Variants in GRIN2B observed in about 807,000 individuals in gnomAD.
The protein encoded by GRIN2B is glutamate receptor ionotropic, NMDA 2B.
A neutral mutation model predicts 114.5 loss-of-function variants in GRIN2B; 5 were observed. The ratio of observed to expected loss-of-function variants is 0.04; its 90% CI spans 0.02 to 0.09. The LOEUF is 0.09. Among genes scored for constraint, GRIN2B ranks in the 10% least tolerant of loss-of-function variants. The probability of loss-of-function intolerance (pLI) is 1.00; values close to 1 mark genes in which losing one functional copy is unlikely to be tolerated. For synonymous variants in GRIN2B, 787 were observed against 745.1 expected (o/e 1.06, Z -0.92); for missense variants, 1,108 against 1,943.5 (o/e 0.57, Z 8.08).
intron 3 of GRIN2B, among the ~76,000 whole-genome samples, chr12:13,864,646 A>G (rs1371733808): frequency 6.6e-6 from 1 of 152,260 alleles, no homozygotes; most frequent in Admixed American, 6.5e-5. Context: ...AATAACTGAT[A>G]GTATGTAAAA....
chr12:13,636,389 G>A (rs1461738823), intron 5 of GRIN2B, among the ~76,000 whole-genome samples: 1 of 152,144 alleles, frequency 6.6e-6, no homozygotes, highest in Non-Finnish European at 1.5e-5. Context: ...GTCATGGCAG[G>A]GTTTTGAGCA....
At chr12:13,976,709 T>A (rs1223809446) in intron 2 of GRIN2B, among the ~76,000 whole-genome samples, 1 of 130,778 alleles carries the variant, frequency 7.6e-6, no homozygotes, top group Admixed American at 7.3e-5. Context: ...ATATTAACAA[T>A]TTTTTTACTT....
chr12:13,783,000 G>C (rs1864147458), intron 3 of GRIN2B, among the ~76,000 whole-genome samples: 1 of 152,164 alleles, frequency 6.6e-6, no homozygotes, highest in Non-Finnish European at 1.5e-5. Context: ...TAAAGTCACT[G>C]TCCTTCCCCC....
At chr12:13,713,404 A>G (rs1052659426) in intron 4 of GRIN2B, among the ~76,000 whole-genome samples, 1 of 151,928 alleles carries the variant, frequency 6.6e-6, no homozygotes, top group Non-Finnish European at 1.5e-5. Flanking sequence ...TCCCCATCTT[A>G]CGAAGACAGG....
intron 3 of GRIN2B, among the ~76,000 whole-genome samples, chr12:13,798,694 C>T (rs1864457177): frequency 6.6e-6 from 1 of 152,218 alleles, no homozygotes; most frequent in Admixed American, 6.5e-5. Context: ...TACTTCTTTA[C>T]ACTCCACAGA....
At chr12:13,729,642 C>T (rs1216716610) in intron 4 of GRIN2B, among the ~76,000 whole-genome samples, 2 of 152,098 alleles carry the variant, frequency 1.3e-5, no homozygotes, top group Non-Finnish European at 2.9e-5. Flanking sequence ...AGATATCTTG[C>T]TCATTCGAGA....
chr12:13,566,937 A>G, intron 13 of GRIN2B, 88 bp downstream of exon 13: 1 of 886,076 alleles, frequency 1.1e-6, no homozygotes, highest in Non-Finnish European at 1.9e-6. Flanking sequence ...GGGGGTGGAG[A>G]TAGTGTCCTC....
At chr12:13,764,732 G>C (rs991316770) in intron 3 of GRIN2B, among the ~76,000 whole-genome samples, 1 of 152,210 alleles carries the variant, frequency 6.6e-6, no homozygotes, top group Admixed American at 6.5e-5. Flanking sequence ...CATTTCTATT[G>C]TTGATGGCAT....
chr12:13,734,704 C>T (rs1863150119), intron 4 of GRIN2B, among the ~76,000 whole-genome samples: 1 of 152,154 alleles, frequency 6.6e-6, no homozygotes, highest in African/African-American at 2.4e-5. Flanking sequence ...ACTGTTTGCA[C>T]ATCTATGTGC....
chr12:13,821,065 T>C (rs1291146365), intron 3 of GRIN2B, among the ~76,000 whole-genome samples: 1 of 152,014 alleles, frequency 6.6e-6, no homozygotes, highest in African/African-American at 2.4e-5. Flanking sequence ...AACCACTCGA[T>C]GTGCCTAAAA....
intron 3 of GRIN2B, among the ~76,000 whole-genome samples, chr12:13,861,581 C>G (rs1489361087): frequency 6.6e-6 from 1 of 152,218 alleles, no homozygotes; most frequent in Non-Finnish European, 1.5e-5. Context: ...GAAACAGTCT[C>G]TGTTACAAGC....
intron 3 of GRIN2B, among the ~76,000 whole-genome samples, chr12:13,834,015 A>C: frequency 7.0e-6 from 1 of 142,452 alleles, no homozygotes; most frequent in Non-Finnish European, 1.5e-5. Context: ...TCTCTTTGCT[A>C]ACTTCTTTTT....
chr12:13,926,960 G>GAAA lies in GRIN2B; in HGVS notation c.-19+52965_-19+52967dup, dbSNP rs55736068. On this transcript the variant is annotated intron_variant, in intron 2 of 13. Coordinates refer to ENST00000609686, the MANE Select transcript of GRIN2B (RefSeq NM_000834.5). ...GAGCGCGACTCCGTCTCAAAAAAAA[G>GAAA]AAAAAAAAAAAAAGACAAATTTGTA... 4.9e-5 allele frequency among the ~76,000 whole-genome samples: 7 copies of GAAA among 142,466 alleles called. No individual in the cohort carries two copies. In the South Asian group the frequency reaches 6.7e-4, roughly 14 times the overall value. 93.5% of individuals were successfully genotyped at this position (142,466 alleles called of 152,430 possible). A position where few individuals can be genotyped will look rare whatever the true frequency, so the allele number is the denominator to read the frequency against.
intron 10 of GRIN2B, among the ~76,000 whole-genome samples, chr12:13,572,525 CAT>C (rs1376707865): frequency 1.3e-5 from 2 of 152,164 alleles, no homozygotes; most frequent in Admixed American, 6.5e-5. Context: ...ATTTATCCCA[CAT>C]GAGTTGTAGG....
chr12:13,602,620 G>A (rs1949175947), intron 10 of GRIN2B, among the ~76,000 whole-genome samples: 2 of 152,104 alleles, frequency 1.3e-5, no homozygotes, highest in Admixed American at 6.5e-5. Context: ...GTTCCAGAAC[G>A]CATATTTATT....
chr12:13,958,960 GA>G (rs1049143849), intron 2 of GRIN2B, among the ~76,000 whole-genome samples: 9 of 148,020 alleles, frequency 6.1e-5, no homozygotes, highest in Admixed American at 2.7e-4. Context: ...TAGCTTAAAA[GA>G]AAAAAAAAGG....
At chr12:13,747,880 T>C (rs1409143932) in intron 4 of GRIN2B, among the ~76,000 whole-genome samples, 1 of 152,214 alleles carries the variant, frequency 6.6e-6, no homozygotes, top group Non-Finnish European at 1.5e-5. Flanking sequence ...CTCATTTATT[T>C]TTTTAACCTT....
intron 4 of GRIN2B, among the ~76,000 whole-genome samples, chr12:13,706,148 G>A (rs935826498): frequency 5.3e-5 from 8 of 152,056 alleles, no homozygotes; most frequent in Non-Finnish European, 1.5e-5. Flanking sequence ...AAGACCTCTA[G>A]AGGTCCCCTC....
intron 3 of GRIN2B, among the ~76,000 whole-genome samples, chr12:13,833,952 GAT>G (rs1425666044): frequency 6.7e-4 from 100 of 150,138 alleles, no homozygotes; most frequent in African/African-American, 2.4e-3. Flanking sequence ...GCTGCCTCGT[GAT>G]GTACACATGC....
Sources: gnomAD v4.1 joint callset for allele counts (sites outside exome capture counted in the v4.1 genomes callset) on GRCh38, gnomAD v4.1.1 for gene constraint, MANE v1.5 for transcripts, NCBI Gene and HGNC (gene_info 2026-07-23, HGNC 2026-07-21) for gene names.